Variants in ZNF510 observed in about 807,000 individuals in gnomAD.
The protein encoded by ZNF510 is zinc finger protein 510.
Under a neutral mutation model 18.1 loss-of-function variants are expected in ZNF510, and 15 were observed. That is an observed-to-expected ratio of 0.83 (90% CI 0.55 to 1.28). The LOEUF is 1.28. Ranked by LOEUF, ZNF510 falls within the 50% of genes most tolerant of loss-of-function variation. The pLI is 0.00. For missense variants in ZNF510, 724 were observed against 791.8 expected, an observed-to-expected ratio of 0.91 and a Z score of 1.03; for synonymous variants, 261 against 266.4, an observed-to-expected ratio of 0.98 and a Z score of 0.20.
rs1334352365 is a variant in ZNF510 at position 96,776,087 on chromosome 9, T to C, written c.-18A>G. 1 of 1,591,656 alleles carries C rather than the reference T, an allele frequency of 6.3e-7. No individual in the cohort carries two copies. On this transcript the variant is annotated 5_prime_UTR_variant, in exon 2 of 6. Coordinates refer to ENST00000223428, the MANE Select transcript of ZNF510 (RefSeq NM_014930.3). Reference sequence around the variant, plus strand: ...GGCGACATCACCAAGTCTGGTGCTCTCTGGGCAAGGGGATGAAGAAGTGCC... The same window carrying C: ...GGCGACATCACCAAGTCTGGTGCTCCCTGGGCAAGGGGATGAAGAAGTGCC...
At chr9:96,774,729 T>G (rs1849652786) in intron 3 of ZNF510, 59 bp downstream of exon 3, 1 of 1,403,034 alleles carries the variant, frequency 7.1e-7, no homozygotes, top group Non-Finnish European at 1.0e-6. Flanking sequence ...CATATTAATA[T>G]GTGGACCCTT....
intron 1 of ZNF510, among the ~76,000 whole-genome samples, chr9:96,777,276 G>T (rs1849722012): frequency 6.6e-6 from 1 of 152,132 alleles, no homozygotes; most frequent in African/African-American, 2.4e-5. Flanking sequence ...TGGGGTTTTG[G>T]GGACAATCAC....
At chr9:96,768,086 T>C (rs1216469957) in intron 3 of ZNF510, among the ~76,000 whole-genome samples, 1 of 152,150 alleles carries the variant, frequency 6.6e-6, no homozygotes, top group African/African-American at 2.4e-5. Flanking sequence ...CAGTGTAATA[T>C]ATCACAATAA....
chr9:96,776,957 G>A (rs1249660628), intron 1 of ZNF510, among the ~76,000 whole-genome samples: 1 of 152,142 alleles, frequency 6.6e-6, no homozygotes, highest in Non-Finnish European at 1.5e-5. Context: ...CTGGAAATGT[G>A]GCTAGGACCA....
Position 96,774,857 on chromosome 9 carries a change from G to C in ZNF510, c.71-11C>G, listed in dbSNP as rs1430900576. 1 of 1,613,358 alleles carries C rather than the reference G, an allele frequency of 6.2e-7. No homozygotes were observed. Among genetic ancestry groups the C allele is most frequent in the Non-Finnish European group, 8.5e-7 (1 of 1,179,630 alleles). ...ACCGTAAAGGATAACCTGGGGGTGAGGAAGGAGTCATGAGAGATCTGGGCA... is the reference window on the plus strand; with the variant it reads ...ACCGTAAAGGATAACCTGGGGGTGACGAAGGAGTCATGAGAGATCTGGGCA... On this transcript the variant is annotated splice_polypyrimidine_tract_variant and intron_variant, in intron 2 of 5. Transcript: ENST00000223428.
chr9:96,757,523 T>C lies in ZNF510; in HGVS notation c.*1255A>G, dbSNP rs902582998. On this transcript the variant is annotated 3_prime_UTR_variant, in exon 6 of 6. Coordinates refer to ENST00000223428, the MANE Select transcript of ZNF510 (RefSeq NM_014930.3). ...ACTTAAGCCTGGCTTACACAGAAGC[T>C]TTCTGCCTTCCTAGCAGAAGATAAC... The C allele has an allele frequency of 6.6e-6, 1 of 152,190 alleles. No individual in the cohort carries two copies. The highest frequency in any genetic ancestry group is 2.4e-5 in the African/African-American group (1 of 41,436). 9.4% of individuals were successfully genotyped at this position (152,190 alleles called of 1,614,324 possible).
Position 96,759,948 on chromosome 9 carries a change from T to C in ZNF510, c.882A>G (p.Lys294=). 1.2e-6 allele frequency: 2 copies of C among 1,613,392 alleles called. No homozygotes were observed. The highest frequency in any genetic ancestry group is 1.7e-6 in the Non-Finnish European group (2 of 1,179,954). ...DDEFRKNCDK[K]TLFDHRRTGT... Reference sequence around the variant, plus strand: ...CAGTTCTCCTGTGGTCAAAGAGAGTTTTCTTATCACAATTTTTCCTAAATT... The same window carrying C: ...CAGTTCTCCTGTGGTCAAAGAGAGTCTTCTTATCACAATTTTTCCTAAATT... Residue 294 remains lysine, a synonymous_variant, in exon 6 of 6, where the codon AAA becomes AAG. Coordinates refer to ENST00000223428, the MANE Select transcript of ZNF510 (RefSeq NM_014930.3).
chr9:96,773,409 ATTAT>A (rs1373507655), intron 3 of ZNF510, among the ~76,000 whole-genome samples: 2 of 152,176 alleles, frequency 1.3e-5, no homozygotes, highest in African/African-American at 4.8e-5. Context: ...TATTTATTAT[ATTAT>A]TTCTTTGTAT....
intron 5 of ZNF510, among the ~76,000 whole-genome samples, chr9:96,760,775 G>A (rs1285329417): frequency 1.3e-5 from 2 of 152,112 alleles, no homozygotes; most frequent in African/African-American, 4.8e-5. Flanking sequence ...TTTTATAGGG[G>A]TAGTTATTTT....
At position 96,759,390 on chromosome 9, in the gene ZNF510, T is replaced by C; in HGVS notation, c.1440A>G (p.Arg480=). 2 of 1,614,176 alleles carry C rather than the reference T, an allele frequency of 1.2e-6. No individual in the cohort carries two copies. The highest frequency in any genetic ancestry group is 2.2e-5 in the South Asian group (2 of 91,088). The change falls in exon 6 of 6, where the codon AGA becomes AGG. Residue 480 remains arginine (R), a synonymous_variant. Transcript: ENST00000223428. ...VQKSTLRGHQ[R]IHTGEKPYEC... ...CATAGGGTTTTTCTCCTGTGTGAAT[T>C]CTTTGATGTCCCCTGAGGGTTGACT...
At chr9:96,775,454 CATT>C (rs1389315365) in intron 2 of ZNF510, among the ~76,000 whole-genome samples, 9 of 152,120 alleles carry the variant, frequency 5.9e-5, no homozygotes, top group African/African-American at 2.2e-4. Context: ...ACAGAATTAA[CATT>C]AATATTCTGT....
Position 96,774,806 on chromosome 9 carries a change from C to G in ZNF510, c.111G>C (p.Gln37His). The change falls in exon 3 of 6, where the codon CAG (glutamine) becomes CAC (histidine). Residue 37 changes from glutamine (Q) to histidine (H), a missense_variant. Physicochemically the swap from Gln to His is conservative, Grantham distance 24 (BLOSUM62 0). Coordinates refer to ENST00000223428, the MANE Select transcript of ZNF510 (RefSeq NM_014930.3). ...AACTCACCTGAGATATGTTCATTTTCTGCTGCTCCTGAAAGAGTGTGGAGA... is the reference window on the plus strand; with the variant it reads ...AACTCACCTGAGATATGTTCATTTTGTGCTGCTCCTGAAAGAGTGTGGAGA... ...LRFSTLFQEQ[Q>H]KMNISQASVS... 1 of 1,613,882 alleles carries G rather than the reference C, an allele frequency of 6.2e-7. No homozygotes were observed. Among genetic ancestry groups the G allele is most frequent in the Middle Eastern group, 1.7e-4 (1 of 5,870 alleles).
Position 96,758,962 on chromosome 9 carries a change from G to C in ZNF510, c.1868C>G (p.Thr623Arg). 1 of 1,614,058 alleles carries C rather than the reference G, an allele frequency of 6.2e-7. No individual in the cohort carries two copies. The highest frequency in any genetic ancestry group is 8.5e-7 in the Non-Finnish European group (1 of 1,179,976). ...AILSDHQRIH[T>R]GEKPFQCNKC... Reference sequence around the variant, plus strand: ...ATTACACTGAAAGGGTTTCTCCCCTGTGTGAATTCTCTGATGATCACTAAG... The same window carrying C: ...ATTACACTGAAAGGGTTTCTCCCCTCTGTGAATTCTCTGATGATCACTAAG... The change falls in exon 6 of 6, where the codon ACA (threonine) becomes AGA (arginine). Residue 623 changes from threonine to arginine, a missense_variant. Physicochemically the swap from Thr to Arg is moderately conservative, Grantham distance 71 (BLOSUM62 -1). Transcript: ENST00000223428.
Position 96,758,885 on chromosome 9 carries a change from T to C in ZNF510, c.1945A>G (p.Thr649Ala), listed in dbSNP as rs1238990420. 1.9e-6 allele frequency: 3 copies of C among 1,614,144 alleles called. No individual in the cohort carries two copies. Among genetic ancestry groups the C allele is most frequent in the Non-Finnish European group, 2.5e-6 (3 of 1,179,996 alleles). The change falls in exon 6 of 6, where the codon ACT becomes GCT. Residue 649 changes from threonine to alanine, a missense_variant. Coordinates refer to ENST00000223428, the MANE Select transcript of ZNF510 (RefSeq NM_014930.3). The part of the protein sequence containing the change: ...QKSNLRIHQR[T>A]HSGEKSYECN... ...TCATAAGATTTCTCCCCACTGTGAG[T>C]CCTTTGATGTATTCTGAGGTTTGAT...
Position 96,763,221 on chromosome 9 carries a change from T to C in ZNF510, c.257-8A>G, listed in dbSNP as rs1462358265. Reference sequence around the variant, plus strand: ...GTTTGAAACAGCAGTACCCTGTTAATAAAACACAATCGAGGACTTAGACCA... The same window carrying C: ...GTTTGAAACAGCAGTACCCTGTTAACAAAACACAATCGAGGACTTAGACCA... On this transcript the variant is annotated splice_region_variant and splice_polypyrimidine_tract_variant and intron_variant, in intron 4 of 5. Transcript: ENST00000223428. 6.2e-7 allele frequency: 1 copy of C among 1,613,166 alleles called. No homozygotes were observed. The highest frequency in any genetic ancestry group is 1.3e-5 in the African/African-American group (1 of 74,892).
In ZNF510 at chr9:96,759,103, T is replaced by G. The variant is rs199644212; in HGVS notation, c.1727A>C (p.Glu576Ala). ...HTGEKPFKCN[E>A]CGKTFARTST... ...TGTCCGGGCAAAAGTTTTCCCACAT[T>G]CGTTACATTTGAATGGTTTCTCTCC... Residue 576 changes from glutamate (E) to alanine (A), a missense_variant, in exon 6 of 6, where the codon GAA becomes GCA. Glu to Ala is a moderately radical substitution (Grantham distance 107). Coordinates refer to ENST00000223428, the MANE Select transcript of ZNF510 (RefSeq NM_014930.3). The G allele has an allele frequency of 2.1e-4, 336 of 1,614,038 alleles. 2 individuals carry two copies. Among genetic ancestry groups the G allele is most frequent in the Non-Finnish European group, 4.4e-5 (52 of 1,180,022 alleles).
Position 96,757,865 on chromosome 9 carries a change from C to G in ZNF510, c.*913G>C, listed in dbSNP as rs947112612. ...TACTTGAATACAAGCACTGTCATAC[C>G]CTGACAGGTGATCTGATAACTAAAA... On this transcript the variant is annotated 3_prime_UTR_variant, in exon 6 of 6. Coordinates refer to ENST00000223428, the MANE Select transcript of ZNF510 (RefSeq NM_014930.3). 2 of 149,920 alleles carry G rather than the reference C, an allele frequency of 1.3e-5. No individual in the cohort carries two copies. Among genetic ancestry groups the G allele is most frequent in the South Asian group, 4.2e-4 (2 of 4,808 alleles). The allele number at this position is 149,920 out of a possible 1,614,324, so 9.3% of individuals were successfully genotyped here.
At position 96,760,318 on chromosome 9, in the gene ZNF510, T is replaced by G. The variant is rs1278841880; in HGVS notation, c.512A>C (p.Lys171Thr). ...CCATGAGTTGCATTTGCAGGACATT[T>G]TTGTTGAAGCAACAGCAGCTACATG... ...TLHVAAVASTKMSCKCNSWEV... is the reference protein window; with the variant it reads ...TLHVAAVASTTMSCKCNSWEV... The change falls in exon 6 of 6, where the codon AAA becomes ACA. Residue 171 changes from lysine to threonine, a missense_variant. Lys to Thr is a moderately conservative substitution (Grantham distance 78, BLOSUM62 -1). Coordinates refer to ENST00000223428, the MANE Select transcript of ZNF510 (RefSeq NM_014930.3). 3.1e-6 allele frequency: 5 copies of G among 1,613,750 alleles called. No homozygotes were observed. The highest frequency in any genetic ancestry group is 3.4e-6 in the Non-Finnish European group (4 of 1,179,862).
chr9:96,761,788 A>G (rs1369574950), intron 5 of ZNF510, among the ~76,000 whole-genome samples: 3 of 152,172 alleles, frequency 2.0e-5, no homozygotes, highest in African/African-American at 7.2e-5. Flanking sequence ...AGTGTACAAG[A>G]TTTTATGTGG....
Sources: gnomAD v4.1 joint callset for allele counts (sites outside exome capture counted in the v4.1 genomes callset) on GRCh38, gnomAD v4.1.1 for gene constraint, MANE v1.5 for transcripts, NCBI Gene and HGNC (gene_info 2026-07-23, HGNC 2026-07-21) for gene names.